Variants in ROBO1 observed in about 807,000 individuals in gnomAD.
ROBO1 encodes the protein roundabout guidance receptor 1, also known as roundabout homolog 1.
In ROBO1, 149 loss-of-function variants were observed where a neutral mutation model predicts 195.9. The observed-to-expected ratio is 0.76, with a 90% CI of 0.67 to 0.87. The LOEUF is 0.87. ROBO1 is among the 40% of genes least tolerant of loss of function. The probability of loss-of-function intolerance (pLI) is 0.00; values close to 1 mark genes in which losing one functional copy is unlikely to be tolerated. For missense variants in ROBO1, 1,933 were observed against 2,068.3 expected, an observed-to-expected ratio of 0.93 and a Z score of 1.27; for synonymous variants, 816 against 733.2, an observed-to-expected ratio of 1.11 and a Z score of -1.82.
rs548983487 is a variant in ROBO1 at position 79,584,044 on chromosome 3, A to G, written c.88+5780T>C. On this transcript the variant is annotated intron_variant, in intron 2 of 30. Coordinates refer to ENST00000464233, the MANE Select transcript of ROBO1 (RefSeq NM_002941.4). ...CATTTTTTACAAACCCATATATTTA[A>G]CAATTTATTGCTAACAATTTAGAAA... 1.5e-4 allele frequency among the ~76,000 whole-genome samples: 23 copies of G among 152,028 alleles called. 1 individual carries two copies. The East Asian group carries it at 4.4e-3, about 29-fold the overall frequency.
intron 1 of ROBO1, among the ~76,000 whole-genome samples, chr3:79,717,015 A>C (rs755484153): frequency 9.2e-5 from 14 of 152,112 alleles, no homozygotes; most frequent in South Asian, 2.1e-4. Context: ...ATAATTAATT[A>C]ATCCATTTTG....
chr3:79,205,466 A>G (rs1306225401), intron 2 of ROBO1, among the ~76,000 whole-genome samples: 1 of 152,168 alleles, frequency 6.6e-6, no homozygotes, highest in Non-Finnish European at 1.5e-5. Context: ...TGCATAAGAA[A>G]TATACAATAT....
chr3:79,292,801 C>T lies in ROBO1; in HGVS notation c.89-167262G>A, dbSNP rs143370399. 7.4e-3 allele frequency among the ~76,000 whole-genome samples: 1,133 copies of T among 152,262 alleles called. 8 individuals are homozygous for T. The highest frequency in any genetic ancestry group is 0.012 in the Non-Finnish European group (786 of 68,024). ...GCCAGTATTTTATTGAGGATTTTTG[C>T]ATTGATATTCATCCAGGATATTGGG... On this transcript the variant is annotated intron_variant, in intron 2 of 30. Transcript: ENST00000464233.
chr3:79,651,712 TAC>T (rs1487591648), intron 1 of ROBO1, among the ~76,000 whole-genome samples: 1 of 152,082 alleles, frequency 6.6e-6, no homozygotes, highest in Non-Finnish European at 1.5e-5. Flanking sequence ...AATGGACACA[TAC>T]AGAGGCTCTC....
At chr3:78,636,768 CAAT>C (rs1056532844) in intron 22 of ROBO1, among the ~76,000 whole-genome samples, 6 of 150,888 alleles carry the variant, frequency 4.0e-5, no homozygotes, top group East Asian at 1.9e-4. Context: ...TATAAAATGA[CAAT>C]AATAATAATA....
intron 2 of ROBO1, among the ~76,000 whole-genome samples, chr3:79,211,136 AG>A (rs2081960035): frequency 6.6e-6 from 1 of 152,110 alleles, no homozygotes; most frequent in Admixed American, 6.5e-5. Flanking sequence ...TAATAATTAA[AG>A]AATTTTTTTA....
intron 2 of ROBO1, among the ~76,000 whole-genome samples, chr3:79,457,611 G>C (rs1013900800): frequency 6.6e-6 from 1 of 152,068 alleles, no homozygotes; most frequent in Non-Finnish European, 1.5e-5. Flanking sequence ...AACCTGGTGG[G>C]AGGTAACTGA....
At chr3:78,678,728 C>A (rs920087389) in intron 10 of ROBO1, among the ~76,000 whole-genome samples, 2 of 152,144 alleles carry the variant, frequency 1.3e-5, no homozygotes, top group African/African-American at 2.4e-5. Context: ...GGATTCACAG[C>A]CGAATTCTAC....
At chr3:79,564,104 T>C (rs1943014636) in intron 2 of ROBO1, among the ~76,000 whole-genome samples, 2 of 151,690 alleles carry the variant, frequency 1.3e-5, no homozygotes, top group Non-Finnish European at 2.9e-5. Context: ...AACACTCTTG[T>C]TTGAGTGGAA....
intron 3 of ROBO1, among the ~76,000 whole-genome samples, chr3:79,047,035 G>A (rs1353585945): frequency 2.6e-5 from 4 of 152,138 alleles, no homozygotes; most frequent in Admixed American, 2.6e-4. Context: ...TTGGAAGTAG[G>A]CAGCATGTGG....
intron 3 of ROBO1, among the ~76,000 whole-genome samples, chr3:78,998,511 G>A (rs2077421033): frequency 6.6e-6 from 1 of 152,088 alleles, no homozygotes; most frequent in Non-Finnish European, 1.5e-5. Flanking sequence ...AAAACGCTTA[G>A]GTGGACAACC....
At chr3:78,806,075 T>C (rs1269729056) in intron 4 of ROBO1, among the ~76,000 whole-genome samples, 1 of 151,626 alleles carries the variant, frequency 6.6e-6, no homozygotes, top group African/African-American at 2.4e-5. Flanking sequence ...TCCTCTCACC[T>C]AGGCCTCCGA....
intron 2 of ROBO1, among the ~76,000 whole-genome samples, chr3:79,128,855 C>T (rs2080268586): frequency 6.6e-6 from 1 of 152,074 alleles, no homozygotes; most frequent in Non-Finnish European, 1.5e-5. Flanking sequence ...TATCCATTGA[C>T]TCCAAGTCTG....
At chr3:79,664,061 T>C (rs1415894130) in intron 1 of ROBO1, among the ~76,000 whole-genome samples, 3 of 152,044 alleles carry the variant, frequency 2.0e-5, no homozygotes, top group South Asian at 2.1e-4. Flanking sequence ...AAGTTCAATG[T>C]TTTTCTTAAT....
At chr3:78,604,527 C>T (rs986508393) in intron 29 of ROBO1, among the ~76,000 whole-genome samples, 1 of 152,152 alleles carries the variant, frequency 6.6e-6, no homozygotes, top group African/African-American at 2.4e-5. Flanking sequence ...TTTGGGTTAA[C>T]TGAGAAAAAT....
At chr3:79,089,132 A>T (rs2079430107) in intron 3 of ROBO1, among the ~76,000 whole-genome samples, 1 of 152,154 alleles carries the variant, frequency 6.6e-6, no homozygotes, top group Admixed American at 6.5e-5. Context: ...TCTCATAATG[A>T]AGAAATCTAC....
intron 2 of ROBO1, among the ~76,000 whole-genome samples, chr3:79,310,576 G>A (rs1465608160): frequency 6.6e-6 from 1 of 152,066 alleles, no homozygotes; most frequent in Non-Finnish European, 1.5e-5. Flanking sequence ...TCTGTAAGTA[G>A]GGTGGTTATA....
chr3:78,686,374 G>T (rs113431576), intron 9 of ROBO1, among the ~76,000 whole-genome samples: 38,535 of 151,656 alleles, frequency 0.25, 5,052 homozygotes, highest in African/African-American at 0.32. Context: ...GGCTAACACG[G>T]TGAAACCCTG....
chr3:79,277,520 CA>C (rs2031142481), intron 2 of ROBO1, among the ~76,000 whole-genome samples: 1 of 151,694 alleles, frequency 6.6e-6, no homozygotes, highest in Non-Finnish European at 1.5e-5. Flanking sequence ...TTAATGGGTA[CA>C]AAAATATGGT....
Sources: gnomAD v4.1 joint callset for allele counts (sites outside exome capture counted in the v4.1 genomes callset) on GRCh38, gnomAD v4.1.1 for gene constraint, MANE v1.5 for transcripts, NCBI Gene and HGNC (gene_info 2026-07-23, HGNC 2026-07-21) for gene names.